Variants in IMPG1 observed in about 807,000 individuals in gnomAD.
IMPG1 encodes the protein interphotoreceptor matrix proteoglycan of 150 kDa.
Under a neutral mutation model 92.0 loss-of-function variants are expected in IMPG1, and 85 were observed. That is an observed-to-expected ratio of 0.92 (90% CI 0.78 to 1.11). The LOEUF (loss-of-function observed/expected upper bound fraction) is 1.11. Among genes scored for constraint, IMPG1 ranks in the 50% least tolerant of loss-of-function variants. IMPG1 has a pLI of 0.00. For missense variants in IMPG1, 1,022 were observed against 956.0 expected (o/e 1.07, Z -0.91); for synonymous variants, 367 against 334.1 (o/e 1.10, Z -1.08).
At chr6:76,058,738 T>C (rs1784159143) in intron 1 of IMPG1, among the ~76,000 whole-genome samples, 1 of 152,190 alleles carries the variant, frequency 6.6e-6, no homozygotes, top group Admixed American at 6.6e-5. Context: ...GATATAAATA[T>C]GACTATGGAA....
intron 5 of IMPG1, 62 bp from the exon 6 acceptor site, chr6:76,022,281 A>C: frequency 1.1e-6 from 1 of 881,978 alleles, no homozygotes; most frequent in Non-Finnish European, 1.8e-6. Context: ...AATTAGAACG[A>C]GGTCAAAATT....
At chr6:75,974,663 C>T (rs1027933001) in intron 12 of IMPG1, among the ~76,000 whole-genome samples, 1 of 151,396 alleles carries the variant, frequency 6.6e-6, no homozygotes, top group Non-Finnish European at 1.5e-5. Flanking sequence ...GATGGGGTGC[C>T]TGCAACCATG....
intron 1 of IMPG1, 45 bp downstream of exon 1, chr6:76,072,377 A>G (rs761822920): frequency 2.8e-6 from 3 of 1,072,224 alleles, no homozygotes; most frequent in Admixed American, 1.9e-5. Context: ...CTATCGGTAG[A>G]TTTTATAGAT....
At chr6:76,013,426 A>T (rs1435072313) in intron 7 of IMPG1, among the ~76,000 whole-genome samples, 2 of 151,694 alleles carry the variant, frequency 1.3e-5, no homozygotes, top group Non-Finnish European at 2.9e-5. Context: ...CAATTTTTCC[A>T]CCTTCTGCTT....
intron 14 of IMPG1, 100 bp downstream of exon 14, chr6:75,947,214 A>G: frequency 1.1e-6 from 1 of 877,146 alleles, no homozygotes; most frequent in South Asian, 1.6e-5. Context: ...TTTCAGTTTG[A>G]TTTTTGTGGC....
chr6:76,028,777 C>T (rs1037885180), intron 4 of IMPG1, among the ~76,000 whole-genome samples: 2 of 152,134 alleles, frequency 1.3e-5, no homozygotes, highest in African/African-American at 4.8e-5. Flanking sequence ...CAAGATCGTG[C>T]CACTGCACTC....
chr6:76,015,821 A>AG (rs1439512754), intron 7 of IMPG1, among the ~76,000 whole-genome samples: 10 of 150,508 alleles, frequency 6.6e-5, no homozygotes, highest in Non-Finnish European at 1.3e-4. Context: ...AAAAAAAAAA[A>AG]AAAGAAAGAA....
intron 12 of IMPG1, among the ~76,000 whole-genome samples, chr6:75,985,259 G>A (rs909563397): frequency 2.0e-5 from 3 of 152,168 alleles, no homozygotes; most frequent in Admixed American, 2.0e-4. Flanking sequence ...GATCAACTAA[G>A]GAAGGGAACC....
intron 12 of IMPG1, among the ~76,000 whole-genome samples, chr6:75,957,190 T>G (rs1402805567): frequency 6.6e-6 from 1 of 152,230 alleles, no homozygotes; most frequent in Non-Finnish European, 1.5e-5. Flanking sequence ...AGTGCTGGGA[T>G]TACAGGCATG....
chr6:75,992,235 C>G (rs1025255307), intron 12 of IMPG1, among the ~76,000 whole-genome samples: 1 of 152,206 alleles, frequency 6.6e-6, no homozygotes, highest in Non-Finnish European at 1.5e-5. Context: ...AGGCTTTGAA[C>G]TTTCAGATTT....
chr6:76,028,887 G>T lies in IMPG1; in HGVS notation c.498-3629C>A, dbSNP rs1361787440. ...ATTTGGAGCATGCTTGTTTCTCTCT[G>T]CCTGGTTCCTTTCGAATTTGGAAAC... On this transcript the variant is annotated intron_variant, in intron 4 of 16. Coordinates refer to ENST00000369950, the MANE Select transcript of IMPG1 (RefSeq NM_001563.4). 2.6e-5 allele frequency among the ~76,000 whole-genome samples: 4 copies of T among 152,178 alleles called. No homozygotes were observed. The East Asian group carries it at 7.7e-4, about 29-fold the overall frequency.
intron 12 of IMPG1, among the ~76,000 whole-genome samples, chr6:75,959,930 A>G (rs1352024216): frequency 6.6e-6 from 1 of 152,162 alleles, no homozygotes; most frequent in Non-Finnish European, 1.5e-5. Context: ...AAACTCTTGC[A>G]GCTAGCTCAG....
Position 75,928,210 on chromosome 6 carries a change from T to TC in IMPG1, c.2243+2742_2243+2743insG, listed in dbSNP as rs577548899. On this transcript the variant is annotated intron_variant, in intron 15 of 16. Coordinates refer to ENST00000369950, the MANE Select transcript of IMPG1 (RefSeq NM_001563.4). ...CTCAACCTTTCTTTCTTTCTTTCTTTTTTTTTTGAGATGGAGTCTTGCTCT... is the reference window on the plus strand; with the variant it reads ...CTCAACCTTTCTTTCTTTCTTTCTTTCTTTTTTTGAGATGGAGTCTTGCTCT... Among the ~76,000 whole-genome samples the TC allele has an allele frequency of 5.9e-5, 9 of 152,118 alleles. No homozygotes were observed. The South Asian group carries it at 6.2e-4, about 11-fold the overall frequency.
chr6:75,922,280 A>C, intron 16 of IMPG1, 114 bp from the exon 17 acceptor site: 1 of 585,356 alleles, frequency 1.7e-6, no homozygotes, highest in Non-Finnish European at 3.1e-6. Flanking sequence ...CATTTATGAC[A>C]TCTTCTTTGA....
intron 12 of IMPG1, among the ~76,000 whole-genome samples, chr6:75,998,410 T>C (rs1782934732): frequency 6.6e-6 from 1 of 152,240 alleles, no homozygotes; most frequent in Admixed American, 6.5e-5. Flanking sequence ...GTTTAGCTCA[T>C]GTCACGGATT....
At chr6:76,032,187 A>G (rs1180113460) in intron 4 of IMPG1, among the ~76,000 whole-genome samples, 1 of 151,724 alleles carries the variant, frequency 6.6e-6, no homozygotes, top group African/African-American at 2.4e-5. Context: ...AAATGCTTCT[A>G]TTTCCTTTTC....
At chr6:75,978,212 C>T (rs1028503999) in intron 12 of IMPG1, among the ~76,000 whole-genome samples, 1 of 150,832 alleles carries the variant, frequency 6.6e-6, no homozygotes, top group South Asian at 2.1e-4. Flanking sequence ...TACTCGAAAA[C>T]CTTTCTTTGG....
chr6:75,995,769 G>A (rs1782889479), intron 12 of IMPG1, among the ~76,000 whole-genome samples: 1 of 152,172 alleles, frequency 6.6e-6, no homozygotes, highest in Non-Finnish European at 1.5e-5. Flanking sequence ...AGTGGTCACG[G>A]GGTAATTGGT....
intron 14 of IMPG1, among the ~76,000 whole-genome samples, chr6:75,939,571 G>A (rs550312364): frequency 6.6e-6 from 1 of 152,196 alleles, no homozygotes; most frequent in Non-Finnish European, 1.5e-5. Context: ...TGGTGTATAT[G>A]TGCCACATTT....
Sources: allele counts gnomAD v4.1 joint callset (sites outside exome capture counted in the v4.1 genomes callset), GRCh38; gene constraint gnomAD v4.1.1; transcripts MANE v1.5; gene names NCBI Gene and HGNC (gene_info 2026-07-23, HGNC 2026-07-21).